The following ANKS3 variants were observed in gnomAD, a reference collection of about 807,000 sequenced individuals.
ANKS3 encodes the protein ankyrin repeat and SAM domain-containing protein 3.
In ANKS3, 62 loss-of-function variants were observed where a neutral mutation model predicts 80.7. That is an observed-to-expected ratio of 0.77 (90% confidence interval 0.63 to 0.95). The LOEUF (loss-of-function observed/expected upper bound fraction) is 0.95, where lower values mean the gene tolerates loss of function less well. Among genes scored for constraint, ANKS3 ranks in the 40% least tolerant of loss-of-function variants. The pLI is 0.00. For synonymous variants in ANKS3, 489 were observed against 355.3 expected, an observed-to-expected ratio of 1.38 and a Z score of -4.23; for missense variants, 1,150 against 883.6, an observed-to-expected ratio of 1.30 and a Z score of -3.82.
In ANKS3 at chr16:4,714,085, CGAGTAA is replaced by C. The variant is rs2080644716; in HGVS notation, c.669_674del (p.Tyr224_Ser225del). ...GATAGAGGCTCTTGGGCAGAGAGGG[CGAGTAA>C]GTGTCCATCAAGGCCACGATCTTCA... On this transcript the variant is annotated inframe_deletion, in exon 7 of 18. Coordinates refer to ENST00000304283, the MANE Select transcript of ANKS3 (RefSeq NM_133450.4). 1 of 1,614,008 alleles carries C rather than the reference CGAGTAA, an allele frequency of 6.2e-7. No individual in the cohort carries two copies. The highest frequency in any genetic ancestry group is 1.3e-5 in the African/African-American group (1 of 74,888).
intron 3 of ANKS3, 96 bp downstream of exon 3, chr16:4,729,884 A>G: frequency 1.6e-6 from 2 of 1,225,694 alleles, no homozygotes; most frequent in Non-Finnish European, 2.1e-6. Flanking sequence ...TACACGCATT[A>G]AACATCCACA....
intron 14 of ANKS3, 73 bp from the exon 15 acceptor site, chr16:4,698,135 T>G: frequency 6.8e-7 from 1 of 1,471,432 alleles, no homozygotes; most frequent in African/African-American, 1.4e-5. Context: ...TCAGACCTTC[T>G]AGGGGAGGGA....
chr16:4,727,219 G>C (rs542632590), intron 3 of ANKS3, 42 bp from the exon 4 acceptor site: 61 of 1,598,674 alleles, frequency 3.8e-5, no homozygotes, highest in Non-Finnish European at 5.0e-5. Context: ...CAGCCGCCTC[G>C]CATGTGGGGT....
chr16:4,709,058 G>A (rs1040531688), intron 7 of ANKS3, among the ~76,000 whole-genome samples: 2 of 152,032 alleles, frequency 1.3e-5, no homozygotes, highest in Admixed American at 6.6e-5. Flanking sequence ...TTGGGCCCAG[G>A]AGTTTGAGAC....
chr16:4,709,675 G>C (rs2080384909), intron 7 of ANKS3, among the ~76,000 whole-genome samples: 1 of 152,158 alleles, frequency 6.6e-6, no homozygotes, highest in Admixed American at 6.5e-5. Context: ...GAATAAGCCT[G>C]GAAGAGACTA....
chr16:4,719,708 A>G (rs995244820), intron 6 of ANKS3, among the ~76,000 whole-genome samples: 7 of 151,950 alleles, frequency 4.6e-5, no homozygotes, highest in Admixed American at 3.9e-4. Flanking sequence ...CTGAGGCAGA[A>G]GGATTACTTC....
At chr16:4,714,594 G>C (rs2080682259) in intron 6 of ANKS3, among the ~76,000 whole-genome samples, 1 of 152,226 alleles carries the variant, frequency 6.6e-6, no homozygotes, top group Admixed American at 6.5e-5. Flanking sequence ...TCGTAACTTT[G>C]ATCCAAAGCT....
chr16:4,723,947 G>C (rs1278940686), intron 6 of ANKS3, among the ~76,000 whole-genome samples: 1 of 152,034 alleles, frequency 6.6e-6, no homozygotes, highest in Non-Finnish European at 1.5e-5. Context: ...TGTAGTCCCA[G>C]CTACTTGGGG....
chr16:4,700,827 G>T, intron 11 of ANKS3, 143 bp downstream of exon 11: 1 of 1,108,286 alleles, frequency 9.0e-7, no homozygotes, highest in Non-Finnish European at 1.4e-6. Context: ...CTGTGAGCCT[G>T]TGGAGCCTAA....
chr16:4,733,121 CA>C (rs549570870), intron 1 of ANKS3, among the ~76,000 whole-genome samples: 2 of 114,540 alleles, frequency 1.7e-5, no homozygotes, highest in East Asian at 2.9e-4. Context: ...TTAATGGATA[CA>C]AAAAAAACAG....
rs759922184 is a variant in ANKS3 at position 4,701,153 on chromosome 16, A to G, written c.1120-19T>C. On this transcript the variant is annotated intron_variant, in intron 10 of 17. Coordinates refer to ENST00000304283, the MANE Select transcript of ANKS3 (RefSeq NM_133450.4). ...CCGAGTCCTGCAGTGAGAGGCGTGC[A>G]TCTGAAAGAGTGCGCGGGCTAACTT... 7 of 1,613,452 alleles carry G rather than the reference A, an allele frequency of 4.3e-6. No individual in the cohort carries two copies. Among genetic ancestry groups the G allele is most frequent in the Non-Finnish European group, 8.5e-7 (1 of 1,179,976 alleles).
chr16:4,731,134 T>C (rs558476112), intron 2 of ANKS3, among the ~76,000 whole-genome samples: 3 of 152,168 alleles, frequency 2.0e-5, no homozygotes, highest in Non-Finnish European at 4.4e-5. Context: ...CATGACATTC[T>C]GGAAAAGGCA....
chr16:4,702,178 C>G lies in ANKS3; in HGVS notation c.933G>C (p.Glu311Asp), dbSNP rs377315162. Reference protein sequence around the residue: ...NSSGENPLEEEGLCCRDVTSP... With the variant: ...NSSGENPLEEDGLCCRDVTSP... ...AGGTGACATCCCGGCAGCAGAGGCC[C>G]TCTTCTTCCAGGGGGTTCTCGCCAC... The change falls in exon 9 of 18, where the codon GAG becomes GAC. Residue 311 changes from glutamate (E) to aspartate (D), a missense_variant. Glu to Asp is a conservative substitution (Grantham distance 45). Coordinates refer to ENST00000304283, the MANE Select transcript of ANKS3 (RefSeq NM_133450.4). 3 of 1,593,972 alleles carry G rather than the reference C, an allele frequency of 1.9e-6. No individual in the cohort carries two copies. The highest frequency in any genetic ancestry group is 2.6e-6 in the Non-Finnish European group (3 of 1,171,124).
rs1432820856 is a variant in ANKS3, at chr16:4,734,211, C to CA, written c.-345dup. ...TCGGGCTGCCGTCGCCAACCCCCCCCAAACAGCTCGCCGCCACGCTCCCTC... is the reference window on the plus strand; with the variant it reads ...TCGGGCTGCCGTCGCCAACCCCCCCCAAAACAGCTCGCCGCCACGCTCCCTC... On this transcript the variant is annotated 5_prime_UTR_variant, in exon 1 of 18. Coordinates refer to ENST00000304283, the MANE Select transcript of ANKS3 (RefSeq NM_133450.4). 1.2e-5 allele frequency: 2 copies of CA among 166,954 alleles called. No individual in the cohort carries two copies. Among genetic ancestry groups the CA allele is most frequent in the Non-Finnish European group, 2.4e-5 (2 of 84,314 alleles). 10.3% of individuals were successfully genotyped at this position (166,954 alleles called of 1,614,324 possible). A position where few individuals can be genotyped will look rare whatever the true frequency, so the allele number is the denominator to read the frequency against.
In ANKS3 at chr16:4,724,477, T is replaced by A. The variant is rs1466048893; in HGVS notation, c.573+273A>T. On this transcript the variant is annotated intron_variant, in intron 6 of 17. Transcript: ENST00000304283. Reference sequence around the variant, plus strand: ...ATAATTTTTCTAAGTGACAGGATTATGAGTGCTATTTACTTTTAAAATATT... The same window carrying A: ...ATAATTTTTCTAAGTGACAGGATTAAGAGTGCTATTTACTTTTAAAATATT... 3.3e-5 allele frequency among the ~76,000 whole-genome samples: 5 copies of A among 152,252 alleles called. No homozygotes were observed. The East Asian group carries it at 9.6e-4, about 29-fold the overall frequency.
chr16:4,715,702 CAA>C (rs1383078196), intron 6 of ANKS3, among the ~76,000 whole-genome samples: 1 of 152,028 alleles, frequency 6.6e-6, no homozygotes. Context: ...GTAACATACC[CAA>C]AATGTTGCTA....
At chr16:4,700,725 CA>C (rs777613854) in intron 11 of ANKS3, 1 of 659,760 alleles carries the variant, frequency 1.5e-6, no homozygotes, top group Non-Finnish European at 2.8e-6. Flanking sequence ...TCAGGGAGGC[CA>C]ACTCCAGTAT....
In ANKS3 at chr16:4,700,945, C is replaced by A. The variant is rs769243319; in HGVS notation, c.1284+25G>T. 1.1e-5 allele frequency: 17 copies of A among 1,613,482 alleles called. No homozygotes were observed. In the Admixed American group the frequency reaches 1.2e-4, roughly 11 times the overall value. ...CAAAAAGTGCCGTCTCTGAGTGTAACCTCCAGTTTCACAAGCGGTCTTACC... is the reference window on the plus strand; with the variant it reads ...CAAAAAGTGCCGTCTCTGAGTGTAAACTCCAGTTTCACAAGCGGTCTTACC... On this transcript the variant is annotated intron_variant, in intron 11 of 17. Transcript: ENST00000304283.
In ANKS3 at chr16:4,698,920, C is replaced by G. The variant is rs2079744450; in HGVS notation, c.1431G>C (p.Lys477Asn). Residue 477 changes from lysine to asparagine, a missense_variant, in exon 13 of 18, where the codon AAG (lysine) becomes AAC (asparagine). Coordinates refer to ENST00000304283, the MANE Select transcript of ANKS3 (RefSeq NM_133450.4). ...GCCAGCGGGCAATGGCGGACGTCATCTTCCTCTTGGGCCCAAACAGCCTGC... is the reference window on the plus strand; with the variant it reads ...GCCAGCGGGCAATGGCGGACGTCATGTTCCTCTTGGGCCCAAACAGCCTGC... ...IGITLFGPKR[K>N]MTSAIARWHS... The G allele has an allele frequency of 6.3e-7, 1 of 1,599,722 alleles. No homozygotes were observed. The highest frequency in any genetic ancestry group is 1.3e-5 in the African/African-American group (1 of 74,762).
Sources: gnomAD v4.1 joint callset for allele counts (sites outside exome capture counted in the v4.1 genomes callset) on GRCh38, gnomAD v4.1.1 for gene constraint, MANE v1.5 for transcripts, NCBI Gene and HGNC (gene_info 2026-07-23, HGNC 2026-07-21) for gene names.